The following TENM2 variants were observed in gnomAD, a reference collection of about 807,000 sequenced individuals.
TENM2 encodes teneurin-2.
TENM2 carries 52 observed loss-of-function variants against 245.2 expected under a neutral mutation model. The observed-to-expected ratio is 0.21, with a 90% CI of 0.17 to 0.27. TENM2 has a LOEUF of 0.27. Ranked by LOEUF, TENM2 falls within the 10% of genes least tolerant of loss-of-function variation. TENM2 has a pLI of 1.00. For missense variants in TENM2, 3,046 were observed against 3,666.8 expected, an observed-to-expected ratio of 0.83 and a Z score of 4.37; for synonymous variants, 1,363 against 1,438.9, an observed-to-expected ratio of 0.95 and a Z score of 1.19.
intron 3 of TENM2, among the ~76,000 whole-genome samples, chr5:167,936,233 T>C (rs1437273442): frequency 5.9e-5 from 9 of 152,222 alleles, no homozygotes. Flanking sequence ...GGTTATGGAT[T>C]GTGCTGAGTG....
At chr5:167,039,177 G>A in the TENM2 span, among the ~76,000 whole-genome samples, 1 of 152,126 alleles carries the variant, frequency 6.6e-6, no homozygotes, top group African/African-American at 2.4e-5. Context: ...AACATGTTCA[G>A]AGCTGTTTTT....
chr5:167,462,872 C>T (rs570343882), intron 2 of TENM2, among the ~76,000 whole-genome samples: 1 of 152,100 alleles, frequency 6.6e-6, no homozygotes, highest in African/African-American at 2.4e-5. Flanking sequence ...GGAGCGTTTG[C>T]TGGAGAACCG....
At chr5:167,427,390 G>T (rs6889487) in intron 2 of TENM2, among the ~76,000 whole-genome samples, 45,412 of 151,338 alleles carry the variant, frequency 0.3, 8,477 homozygotes, top group African/African-American at 0.52. Context: ...GAGGTGGATA[G>T]TCCAGTGAGC....
intron 2 of TENM2, among the ~76,000 whole-genome samples, chr5:167,405,688 T>C (rs1762590952): frequency 6.6e-6 from 1 of 151,626 alleles, no homozygotes; most frequent in Non-Finnish European, 1.5e-5. Flanking sequence ...TCTTCCTAAC[T>C]CAGCCTCACC....
chr5:167,694,306 T>A (rs1757624249), intron 2 of TENM2, among the ~76,000 whole-genome samples: 1 of 152,160 alleles, frequency 6.6e-6, no homozygotes, highest in South Asian at 2.1e-4. Flanking sequence ...GGGATCCTGA[T>A]TGAATTGGTC....
intron 1 of TENM2, among the ~76,000 whole-genome samples, chr5:167,310,357 A>C (rs1755952088): frequency 6.6e-6 from 1 of 152,210 alleles, no homozygotes; most frequent in Admixed American, 6.5e-5. Flanking sequence ...GTCCCAGTAT[A>C]TTGCTTTATT....
the TENM2 span, among the ~76,000 whole-genome samples, chr5:167,232,777 CAT>C: frequency 6.6e-6 from 1 of 152,202 alleles, no homozygotes; most frequent in African/African-American, 2.4e-5. Flanking sequence ...ATCTACCAAA[CAT>C]GTGCTGAGTT....
chr5:167,094,153 CTTTTA>C, the TENM2 span, among the ~76,000 whole-genome samples: 1 of 152,086 alleles, frequency 6.6e-6, no homozygotes, highest in Non-Finnish European at 1.5e-5. Flanking sequence ...TATGTGGAGA[CTTTTA>C]TTTTATTTTT....
At chr5:167,932,135 G>C (rs1236452186) in intron 3 of TENM2, among the ~76,000 whole-genome samples, 1 of 152,208 alleles carries the variant, frequency 6.6e-6, no homozygotes, top group Non-Finnish European at 1.5e-5. Flanking sequence ...GTTAACTTCT[G>C]TGAGGCATCA....
At chr5:168,111,418 G>T (rs916279415) in intron 9 of TENM2, among the ~76,000 whole-genome samples, 1 of 152,100 alleles carries the variant, frequency 6.6e-6, no homozygotes, top group African/African-American at 2.4e-5. Context: ...TGAGTACTCT[G>T]GGCAGGACGG....
intron 7 of TENM2, among the ~76,000 whole-genome samples, chr5:168,084,608 C>A (rs1792287302): frequency 6.6e-6 from 1 of 152,134 alleles, no homozygotes; most frequent in Admixed American, 6.5e-5. Flanking sequence ...AAAGAATAGG[C>A]CAGGCAGAGG....
intron 1 of TENM2, among the ~76,000 whole-genome samples, chr5:167,371,336 T>TTG (rs1207754921): frequency 6.7e-6 from 1 of 148,256 alleles, no homozygotes; most frequent in African/African-American, 2.5e-5. Context: ...GGCTCCCTGT[T>TTG]TTTTTTTTTT....
rs972692804 is a variant in TENM2, at chr5:168,014,401, C to G, written c.1186+21219C>G. On this transcript the variant is annotated intron_variant, in intron 5 of 28. Coordinates refer to ENST00000518659, the Ensembl canonical transcript of TENM2. ...GTAAGTAAGAGGGCCAGGTCTCAGC[C>G]CCAAGTGCGCTGGCCTCTGAGTCCT... Among the ~76,000 whole-genome samples, 8 of 151,856 alleles carry G rather than the reference C, an allele frequency of 5.3e-5. No homozygotes were observed. The Admixed American group carries it at 5.4e-4, about 10-fold the overall frequency.
At chr5:167,798,983 CAGG>C (rs1489215275) in intron 2 of TENM2, among the ~76,000 whole-genome samples, 1 of 152,228 alleles carries the variant, frequency 6.6e-6, no homozygotes, top group Admixed American at 6.5e-5. Flanking sequence ...AACACCTAAT[CAGG>C]AGGCTTTGAT....
rs142726003 is a variant in TENM2, at chr5:168,072,789, T to C, written c.1515+10524T>C. The stretch of plus-strand genomic sequence containing the variant: ...GGAAATGGTAAGCACCCCATGGAGA[T>C]GAATCAATCAATCTAACTGGCCTAC... On this transcript the variant is annotated intron_variant, in intron 7 of 28. Transcript: ENST00000518659. Among the ~76,000 whole-genome samples, 3 of 152,278 alleles carry C rather than the reference T, an allele frequency of 2.0e-5. No homozygotes were observed. In the East Asian group the frequency reaches 5.8e-4, roughly 29 times the overall value.
At chr5:167,455,180 G>C (rs1000519210) in intron 2 of TENM2, among the ~76,000 whole-genome samples, 1 of 151,968 alleles carries the variant, frequency 6.6e-6, no homozygotes, top group Non-Finnish European at 1.5e-5. Flanking sequence ...TCTTTATTTT[G>C]AGAAGCAGGA....
At chr5:168,097,974 C>A in intron 8 of TENM2, 52 bp from the exon 11 acceptor site, 1 of 1,384,222 alleles carries the variant, frequency 7.2e-7, no homozygotes, top group Non-Finnish European at 1.0e-6. Context: ...GGTTAAATTA[C>A]TGCACCAGTA....
the TENM2 span, among the ~76,000 whole-genome samples, chr5:167,039,580 T>C: frequency 6.7e-6 from 1 of 150,272 alleles, no homozygotes; most frequent in East Asian, 2.0e-4. Context: ...TGCTTTCCTT[T>C]CTGGTTGTGG....
Position 167,966,658 on chromosome 5 carries a change from C to A in TENM2, c.947+13836C>A, listed in dbSNP as rs557079730. ...TGAAACATCTTCACCATGCTGAGTGCAAAGACTATTCCAAACTTGTTCTCA... is the reference window on the plus strand; with the variant it reads ...TGAAACATCTTCACCATGCTGAGTGAAAAGACTATTCCAAACTTGTTCTCA... On this transcript the variant is annotated intron_variant, in intron 4 of 28. Transcript: ENST00000518659. 1.7e-4 allele frequency among the ~76,000 whole-genome samples: 26 copies of A among 152,282 alleles called. No homozygotes were observed. In the South Asian group the frequency reaches 5.4e-3, roughly 32 times the overall value.
Sources: gnomAD v4.1 joint callset for allele counts (sites outside exome capture counted in the v4.1 genomes callset) on GRCh38, gnomAD v4.1.1 for gene constraint, MANE v1.5 for transcripts, NCBI Gene and HGNC (gene_info 2026-07-23, HGNC 2026-07-21) for gene names.